Variants in DHPS observed in about 807,000 individuals in gnomAD.
DHPS encodes migration-inducing gene 13.
DHPS carries 24 observed loss-of-function variants against 38.7 expected under a neutral mutation model. The observed-to-expected ratio is 0.62, with a 90% confidence interval of 0.45 to 0.87. DHPS has a LOEUF of 0.87. Among genes scored for constraint, DHPS ranks in the 40% least tolerant of loss-of-function variants. DHPS has a pLI of 0.00. For missense variants in DHPS, 510 were observed against 497.6 expected, an observed-to-expected ratio of 1.02 and a Z score of -0.24; for synonymous variants, 250 against 204.4, an observed-to-expected ratio of 1.22 and a Z score of -1.90.
chr19:12,674,666 A>C (rs1396103553), downstream of DHPS, among the ~76,000 whole-genome samples: 2 of 152,172 alleles, frequency 1.3e-5, no homozygotes, highest in African/African-American at 4.8e-5. Flanking sequence ...TGGGGCTGCC[A>C]AATGGACAGG....
At position 12,680,197 on chromosome 19, in the gene DHPS, G is replaced by A. The variant is rs2024755955; in HGVS notation, c.336C>T (p.Ile112=). ...GCACAAGGTAGCGAATGGTCTCACG[G>A]ATGCCTGAACTGATGAGGTTGGATG... ...GYTSNLISSG[I]RETIRYLVQH... The change falls in exon 2 of 9, where the codon ATC becomes ATT. Residue 112 remains isoleucine (I), a synonymous_variant. Coordinates refer to ENST00000210060, the MANE Select transcript of DHPS (RefSeq NM_001930.4). The A allele has an allele frequency of 6.2e-7, 1 of 1,614,184 alleles. No homozygotes were observed.
At chr19:12,680,636 C>T (rs1336468220) in intron 1 of DHPS, among the ~76,000 whole-genome samples, 2 of 151,270 alleles carry the variant, frequency 1.3e-5, no homozygotes, top group African/African-American at 4.9e-5. Flanking sequence ...CGGGTTCAAG[C>T]GATTCTCCTG....
chr19:12,674,886 G>C (rs187220880), downstream of DHPS, among the ~76,000 whole-genome samples: 343 of 149,340 alleles, frequency 2.3e-3, 1 homozygote, highest in South Asian at 0.025. Context: ...GAGGCCGAGG[G>C]GGGTGGATCA....
At chr19:12,676,234 T>C (rs1432908603) in intron 7 of DHPS, 92 bp from the exon 8 acceptor site, 21 of 1,439,528 alleles carry the variant, frequency 1.5e-5, no homozygotes, top group Non-Finnish European at 1.6e-5. Flanking sequence ...GGCTGAGAGG[T>C]GTGTCCCAGA....
Position 12,675,718 on chromosome 19 carries a change from G to A in DHPS, c.*120C>T. ...GGACCAAGGACCGAGACACAGACAT[G>A]GAAGGACTTCAGATACCATCTTATT... On this transcript the variant is annotated 3_prime_UTR_variant, in exon 9 of 9. Transcript: ENST00000210060. 6.3e-7 allele frequency: 1 copy of A among 1,592,660 alleles called. No homozygotes were observed. Among genetic ancestry groups the A allele is most frequent in the Non-Finnish European group, 8.5e-7 (1 of 1,173,668 alleles).
chr19:12,672,941 G>A, downstream of DHPS: 2 of 1,596,526 alleles, frequency 1.3e-6, no homozygotes, highest in Non-Finnish European at 1.7e-6. Flanking sequence ...ATGTGGGACA[G>A]GCAGGGAAGA....
chr19:12,680,367 TC>T, intron 1 of DHPS, 42 bp from the exon 2 acceptor site: 1 of 1,610,398 alleles, frequency 6.2e-7, no homozygotes, highest in Non-Finnish European at 8.5e-7. Context: ...TGGCCTTAAA[TC>T]CCAGACTCAG....
At chr19:12,679,772 C>A (rs1258777484) in intron 3 of DHPS, 29 bp downstream of exon 3, 3 of 1,614,120 alleles carry the variant, frequency 1.9e-6, no homozygotes, top group Non-Finnish European at 2.5e-6. Flanking sequence ...GGTCCAGCTC[C>A]CCTGCCCAAC....
chr19:12,679,347 A>T, intron 5 of DHPS, 110 bp downstream of exon 5: 1 of 1,065,770 alleles, frequency 9.4e-7, no homozygotes, highest in Non-Finnish European at 1.4e-6. Context: ...CTCCTCATCT[A>T]AGAGTGAGGA....
chr19:12,678,301 C>T (rs2024683796), intron 5 of DHPS, among the ~76,000 whole-genome samples: 1 of 151,802 alleles, frequency 6.6e-6, no homozygotes, highest in Non-Finnish European at 1.5e-5. Context: ...GGTGAGTTCC[C>T]ATCTCTACAA....
chr19:12,675,159 G>A (rs1168246405), downstream of DHPS, among the ~76,000 whole-genome samples: 1 of 152,104 alleles, frequency 6.6e-6, no homozygotes, highest in Non-Finnish European at 1.5e-5. Flanking sequence ...AGGCATGGTG[G>A]CTCACACCTG....
Position 12,675,839 on chromosome 19 carries a change from C to A in DHPS, c.1109G>T (p.Ter370LeuextTer33). The A allele has an allele frequency of 6.3e-7, 1 of 1,594,474 alleles. No individual in the cohort carries two copies. Among genetic ancestry groups the A allele is most frequent in the South Asian group, 1.1e-5 (1 of 88,552 alleles). ...DAFMHEKNED[*>L] ...AGACCTTCCTGGGACCGCAGCCGCTCAGTCCTCGTTCTTCTCATGCATGAA... is the reference window on the plus strand; with the variant it reads ...AGACCTTCCTGGGACCGCAGCCGCTAAGTCCTCGTTCTTCTCATGCATGAA... Residue 370 changes from the stop codon to leucine, a stop_lost, in exon 9 of 9, where the codon TGA (stop) becomes TTA (leucine). Transcript: ENST00000210060.
chr19:12,676,016 C>T lies in DHPS; in HGVS notation c.1014+1G>A, dbSNP rs142633494. Reference sequence around the variant, plus strand: ...CTATGCCCCACCCAGCCAGCGCTTACCTTGACGGGCTGTGCATCCACCCGG... The same window carrying T: ...CTATGCCCCACCCAGCCAGCGCTTATCTTGACGGGCTGTGCATCCACCCGG... On this transcript the variant is annotated splice_donor_variant, in intron 8 of 8. Coordinates refer to ENST00000210060, the MANE Select transcript of DHPS (RefSeq NM_001930.4). LOFTEE classifies it high-confidence loss of function. The T allele has an allele frequency of 3.4e-4, 543 of 1,613,700 alleles. No individual in the cohort carries two copies. Among genetic ancestry groups the T allele is most frequent in the Non-Finnish European group, 3.4e-4 (396 of 1,179,750 alleles).
rs1029885047 is a variant in DHPS at position 12,681,451 on chromosome 19, C to G, written c.207+109G>C. On this transcript the variant is annotated intron_variant, in intron 1 of 8. Transcript: ENST00000210060. ...GCCTTCCTCCAACTATTGGGCAACT[C>G]AAATAAAAGACATATCCCCTCCACT... is the stretch of plus-strand genomic sequence containing the variant. The G allele has an allele frequency of 1.7e-5, 23 of 1,326,986 alleles. No homozygotes were observed. The African/African-American group carries it at 2.6e-4, about 15-fold the overall frequency. The allele number at this position is 1,326,986 out of a possible 1,614,324, so 82.2% of individuals were successfully genotyped here.
downstream of DHPS, chr19:12,675,564 G>A (rs1334019065): frequency 1.9e-6 from 3 of 1,606,056 alleles, no homozygotes; most frequent in East Asian, 2.2e-5. Flanking sequence ...CCGGTGTGGT[G>A]CAGTCGCTGG....
chr19:12,672,886 G>A (rs774157507), downstream of DHPS: 2 of 1,597,386 alleles, frequency 1.3e-6, no homozygotes. Context: ...ACCTAAGGAT[G>A]GGGCAGCTCT....
intron 1 of DHPS, chr19:12,681,144 T>C: frequency 1.6e-6 from 2 of 1,276,714 alleles, no homozygotes; most frequent in Non-Finnish European, 2.0e-6. Flanking sequence ...CCCCCACCCT[T>C]TTAGGAATCA....
At chr19:12,672,645 C>A, downstream of DHPS, 1 of 603,332 alleles carries the variant, frequency 1.7e-6, no homozygotes. Flanking sequence ...AGAAGGACTC[C>A]AAGGGCTTGG....
At chr19:12,680,512 C>T (rs1016790796) in intron 1 of DHPS, among the ~76,000 whole-genome samples, 187 bp from the exon 2 acceptor site, 1 of 151,640 alleles carries the variant, frequency 6.6e-6, no homozygotes, top group African/African-American at 2.4e-5. Flanking sequence ...TCTCAAGACA[C>T]ACGTTCAGGA....
Sources: allele counts gnomAD v4.1 joint callset (sites outside exome capture counted in the v4.1 genomes callset), GRCh38; gene constraint gnomAD v4.1.1; transcripts MANE v1.5; gene names NCBI Gene and HGNC (gene_info 2026-07-23, HGNC 2026-07-21).